TBXAS1: variants seen among roughly 807,000 people sequenced by gnomAD.
The protein encoded by TBXAS1 is thromboxane A synthase 1.
TBXAS1 carries 48 observed loss-of-function variants against 60.7 expected under a neutral mutation model. The ratio of observed to expected loss-of-function variants is 0.79; its 90% confidence interval spans 0.63 to 1.01. The LOEUF (loss-of-function observed/expected upper bound fraction) is 1.01. Ranked by LOEUF, TBXAS1 falls within the 50% of genes least tolerant of loss-of-function variation. The pLI, the probability that TBXAS1 is intolerant of heterozygous loss-of-function variation, is 0.00. For missense variants in TBXAS1, 685 were observed against 686.3 expected (o/e 1.00, Z 0.02); for synonymous variants, 287 against 269.7 (o/e 1.06, Z -0.63).
At chr7:139,997,878 A>T (rs1208058438) in intron 9 of TBXAS1, among the ~76,000 whole-genome samples, 2 of 152,254 alleles carry the variant, frequency 1.3e-5, no homozygotes, top group Non-Finnish European at 2.9e-5. Flanking sequence ...GCCCAGATGT[A>T]CACCCAACAG....
rs1584846668 is a variant in TBXAS1, at chr7:139,916,083, T to A, written c.333+4762T>A. On this transcript the variant is annotated intron_variant, in intron 4 of 12. Transcript: ENST00000448866. This position sits in a 1 kb window ranked among gnomAD's most constrained non-coding sequence, Gnocchi z 4.2. ...CAGGACTCGGATGTTTCTATTTAGATATTTTCAATGAGCTCTTCTTTGCTG... is the reference window on the plus strand; with the variant it reads ...CAGGACTCGGATGTTTCTATTTAGAAATTTTCAATGAGCTCTTCTTTGCTG... Among the ~76,000 whole-genome samples, 1 of 152,244 alleles carries A rather than the reference T, an allele frequency of 6.6e-6. No homozygotes were observed. The highest frequency in any genetic ancestry group is 1.9e-4 in the East Asian group (1 of 5,198).
intron 4 of TBXAS1, among the ~76,000 whole-genome samples, chr7:139,789,036 C>T (rs2270163): frequency 0.49 from 74,452 of 152,080 alleles, 19,809 homozygotes; most frequent in East Asian, 0.89. Context: ...GAATATAACC[C>T]TTTCTCCAAT....
chr7:139,895,468 G>A (rs1301775574), intron 3 of TBXAS1, among the ~76,000 whole-genome samples: 1 of 152,198 alleles, frequency 6.6e-6, no homozygotes, highest in Non-Finnish European at 1.5e-5. Context: ...TCATCCCCCA[G>A]TAGGACAAAA....
At chr7:139,842,517 C>T (rs1005497502) in intron 1 of TBXAS1, among the ~76,000 whole-genome samples, 3 of 152,116 alleles carry the variant, frequency 2.0e-5, no homozygotes, top group African/African-American at 7.2e-5. Context: ...TTTTGGTTGC[C>T]GGAATAACAT....
At chr7:139,808,749 C>T (rs2116389462) in intron 4 of TBXAS1, among the ~76,000 whole-genome samples, 1 of 152,308 alleles carries the variant, frequency 6.6e-6, no homozygotes, top group Non-Finnish European at 1.5e-5. Flanking sequence ...TCTATTTACA[C>T]ACCTGTCTCA....
chr7:139,954,971 T>C (rs1262262512), intron 6 of TBXAS1, among the ~76,000 whole-genome samples: 4 of 152,236 alleles, frequency 2.6e-5, no homozygotes, highest in African/African-American at 9.6e-5. Context: ...TTAATAAAAC[T>C]AGATAATTAG....
At chr7:139,842,769 C>T (rs769292392) in intron 1 of TBXAS1, among the ~76,000 whole-genome samples, 7 of 152,212 alleles carry the variant, frequency 4.6e-5, no homozygotes, top group Admixed American at 6.5e-5. Flanking sequence ...GGCCCTGGCC[C>T]GCGCTGTGGG....
Position 139,794,607 on chromosome 7 carries a change from G to A in TBXAS1, c.-80+7181G>A, listed in dbSNP as rs577330752. On this transcript the variant is annotated intron_variant, in intron 4 of 16. Transcript: ENST00000336425. Reference sequence around the variant, plus strand: ...TATACATGTGCCATGCTGATGCACTGCACCCACTAACTCGTCATCTAGCAT... The same window carrying A: ...TATACATGTGCCATGCTGATGCACTACACCCACTAACTCGTCATCTAGCAT... 6.6e-5 allele frequency among the ~76,000 whole-genome samples: 10 copies of A among 150,746 alleles called. No homozygotes were observed. The South Asian group carries it at 1.7e-3, about 25-fold the overall frequency.
At chr7:139,841,109 G>A (rs959594740) in intron 1 of TBXAS1, among the ~76,000 whole-genome samples, 6 of 152,178 alleles carry the variant, frequency 3.9e-5, no homozygotes, top group Non-Finnish European at 5.9e-5. Context: ...AGGTGTGAGC[G>A]TGGCAAGGAG....
chr7:139,995,902 C>CA (rs1489051979), intron 9 of TBXAS1, among the ~76,000 whole-genome samples: 5 of 152,164 alleles, frequency 3.3e-5, no homozygotes, highest in Non-Finnish European at 1.5e-5. Flanking sequence ...TCCCCTCGCT[C>CA]CCTCTCATTC....
chr7:139,838,539 G>A (rs987558211), intron 1 of TBXAS1, among the ~76,000 whole-genome samples: 1 of 152,162 alleles, frequency 6.6e-6, no homozygotes, highest in African/African-American at 2.4e-5. Context: ...CACTGTTCCA[G>A]TTGTTGAAGA....
At chr7:139,841,157 T>C (rs779133270) in intron 1 of TBXAS1, among the ~76,000 whole-genome samples, 3 of 152,168 alleles carry the variant, frequency 2.0e-5, no homozygotes, top group Admixed American at 1.3e-4. Context: ...GGCCTCACGG[T>C]AGCTTCATGC....
intron 4 of TBXAS1, among the ~76,000 whole-genome samples, chr7:139,812,803 T>C (rs566149894): frequency 2.6e-5 from 4 of 152,152 alleles, no homozygotes; most frequent in Non-Finnish European, 1.5e-5. Context: ...ACGCCTGTAA[T>C]CCCAGCACTT....
At chr7:140,016,341 A>T (rs145183410) in intron 11 of TBXAS1, 6,444 of 222,696 alleles carry the variant, frequency 0.029, 193 homozygotes, top group African/African-American at 0.085. Context: ...AAAAATAAAT[A>T]AATTAAATAA....
rs1023128202 is a variant in TBXAS1 at position 139,902,869 on chromosome 7, A to T, written c.237-8356A>T. On this transcript the variant is annotated intron_variant, in intron 3 of 12. Transcript: ENST00000448866. ...TCACCAATGGCTAATAATGTTAAAC[A>T]TCTTTTCATGTGTTTACTTGGCATC... Among the ~76,000 whole-genome samples the T allele has an allele frequency of 5.9e-5, 9 of 152,166 alleles. No homozygotes were observed. In the East Asian group the frequency reaches 1.7e-3, roughly 29 times the overall value.
chr7:139,850,385 A>G (rs1013660468), intron 1 of TBXAS1, among the ~76,000 whole-genome samples: 1 of 152,264 alleles, frequency 6.6e-6, no homozygotes, highest in East Asian at 1.9e-4. Flanking sequence ...CAACATGAAA[A>G]AAGAAGTTTT....
chr7:139,914,477 G>T (rs139624303), intron 4 of TBXAS1, among the ~76,000 whole-genome samples: 88 of 152,268 alleles, frequency 5.8e-4, no homozygotes, highest in Non-Finnish European at 9.6e-4. Context: ...TCAAGGCCTG[G>T]AGTTGGGGGA....
intron 1 of TBXAS1, among the ~76,000 whole-genome samples, chr7:139,848,177 A>G (rs1799952040): frequency 6.6e-6 from 1 of 151,592 alleles, no homozygotes; most frequent in African/African-American, 2.4e-5. Context: ...TAAAGACAGG[A>G]TTTTGCTATG....
At chr7:139,782,122 G>A (rs1797019633) in intron 2 of TBXAS1, among the ~76,000 whole-genome samples, 1 of 151,736 alleles carries the variant, frequency 6.6e-6, no homozygotes, top group African/African-American at 2.4e-5. Context: ...GCTAGAGATA[G>A]TGTGCATTGT....
Sources: allele counts gnomAD v4.1 joint callset (sites outside exome capture counted in the v4.1 genomes callset), GRCh38; gene constraint gnomAD v4.1.1; non-coding constraint Gnocchi (gnomAD v3.1); transcripts MANE v1.5; gene names NCBI Gene and HGNC (gene_info 2026-07-23, HGNC 2026-07-21).